The following IFT80 variants were observed in gnomAD, a reference collection of about 807,000 sequenced individuals.
IFT80 encodes intraflagellar transport protein 80 homolog.
A neutral mutation model predicts 107.9 loss-of-function variants in IFT80; 79 were observed. The ratio of observed to expected loss-of-function variants is 0.73; its 90% confidence interval spans 0.61 to 0.88. The LOEUF (loss-of-function observed/expected upper bound fraction) is 0.88, where lower values mean the gene tolerates loss of function less well. Among genes scored for constraint, IFT80 ranks in the 40% least tolerant of loss-of-function variants. The pLI, the probability that IFT80 is intolerant of heterozygous loss-of-function variation, is 0.00. For missense variants in IFT80, 797 were observed against 914.2 expected (o/e 0.87, Z 1.65); for synonymous variants, 299 against 300.9 (o/e 0.99, Z 0.07).
intron 8 of IFT80, among the ~76,000 whole-genome samples, chr3:160,352,012 T>C (rs1391792520): frequency 3.3e-5 from 5 of 149,274 alleles, no homozygotes; most frequent in South Asian, 2.1e-4. Flanking sequence ...CATAACACAA[T>C]AGTAATTTTT....
At chr3:160,318,104 T>C (rs1156868161) in intron 9 of IFT80, among the ~76,000 whole-genome samples, 2 of 151,832 alleles carry the variant, frequency 1.3e-5, no homozygotes, top group Admixed American at 1.3e-4. Flanking sequence ...GCAAGGAAAG[T>C]AGATAGGACA....
chr3:160,297,155 C>G (rs938385747), intron 12 of IFT80, among the ~76,000 whole-genome samples: 2 of 152,120 alleles, frequency 1.3e-5, no homozygotes, highest in Admixed American at 6.6e-5. Flanking sequence ...GGCACAAATG[C>G]TGCCTCTGCC....
intron 8 of IFT80, among the ~76,000 whole-genome samples, chr3:160,339,318 A>AT (rs1289884502): frequency 1.3e-5 from 2 of 152,226 alleles, no homozygotes; most frequent in Non-Finnish European, 2.9e-5. Context: ...TTGAGCTAAA[A>AT]TAAGTATATC....
intron 5 of IFT80, among the ~76,000 whole-genome samples, chr3:160,366,865 T>TATTC (rs746990680): frequency 1.3e-5 from 2 of 151,886 alleles, no homozygotes; most frequent in African/African-American, 2.4e-5. Context: ...TACTAGGCCT[T>TATTC]ATTCATTCAT....
intron 19 of IFT80, among the ~76,000 whole-genome samples, chr3:160,259,150 G>T (rs1434033316): frequency 2.0e-5 from 3 of 152,042 alleles, no homozygotes; most frequent in African/African-American, 2.4e-5. Flanking sequence ...CCACAAAGTA[G>T]TTTTAAGAAT....
intron 1 of IFT80, among the ~76,000 whole-genome samples, chr3:160,392,604 T>C (rs1713471368): frequency 6.6e-6 from 1 of 152,190 alleles, no homozygotes; most frequent in African/African-American, 2.4e-5. Flanking sequence ...AACTTGTAAA[T>C]AAAAACATTT....
chr3:160,374,132 G>A (rs1219365927), intron 5 of IFT80, among the ~76,000 whole-genome samples: 1 of 152,106 alleles, frequency 6.6e-6, no homozygotes, highest in Non-Finnish European at 1.5e-5. Flanking sequence ...GAGGGCACTG[G>A]TGAAGGGTCT....
intron 8 of IFT80, among the ~76,000 whole-genome samples, chr3:160,324,338 T>C (rs1718508088): frequency 6.6e-6 from 1 of 152,094 alleles, no homozygotes; most frequent in Non-Finnish European, 1.5e-5. Context: ...AAAGAGAATT[T>C]TAGACCAATA....
At chr3:160,364,733 T>C (rs1721741329) in intron 6 of IFT80, among the ~76,000 whole-genome samples, 1 of 152,126 alleles carries the variant, frequency 6.6e-6, no homozygotes, top group African/African-American at 2.4e-5. Flanking sequence ...ATCATTATTC[T>C]CAGCAAACTA....
At chr3:160,288,571 A>G (rs972855973) in intron 12 of IFT80, among the ~76,000 whole-genome samples, 1 of 152,232 alleles carries the variant, frequency 6.6e-6, no homozygotes, top group Non-Finnish European at 1.5e-5. Context: ...AATAGGAGAA[A>G]ATTTCTGCAA....
At chr3:160,262,985 G>A (rs944924664) in intron 19 of IFT80, among the ~76,000 whole-genome samples, 1 of 151,954 alleles carries the variant, frequency 6.6e-6, no homozygotes, top group Admixed American at 6.6e-5. Flanking sequence ...ATGTCCTTTT[G>A]TGTTCATATT....
chr3:160,272,408 A>C (rs1713882100), intron 18 of IFT80, among the ~76,000 whole-genome samples: 1 of 152,194 alleles, frequency 6.6e-6, no homozygotes, highest in South Asian at 2.1e-4. Context: ...CTTTAAAATA[A>C]ATGGTAGGGT....
At chr3:160,398,089 T>C (rs1486047009) in intron 1 of IFT80, among the ~76,000 whole-genome samples, 1 of 152,216 alleles carries the variant, frequency 6.6e-6, no homozygotes, top group Non-Finnish European at 1.5e-5. Context: ...CAAAAAACTT[T>C]TTTTCATTAA....
chr3:160,357,560 T>C lies in IFT80; in HGVS notation c.568A>G (p.Ile190Val). 2 of 1,597,682 alleles carry C rather than the reference T, an allele frequency of 1.3e-6. No individual in the cohort carries two copies. Among genetic ancestry groups the C allele is most frequent in the Non-Finnish European group, 1.7e-6 (2 of 1,165,480 alleles). Residue 190 changes from isoleucine (I) to valine (V), a missense_variant, in exon 7 of 20, where the codon ATT (isoleucine) becomes GTT (valine). Coordinates refer to ENST00000326448, the MANE Select transcript of IFT80 (RefSeq NM_020800.3). ...KVLQWKAHDG[I>V]ILKVDWNSVN... ...GAGTTCCAATCTACTTTTAAAATAATGCCATCATGAGCTTTCCACTGTGAG... is the reference window on the plus strand; with the variant it reads ...GAGTTCCAATCTACTTTTAAAATAACGCCATCATGAGCTTTCCACTGTGAG...
intron 1 of IFT80, among the ~76,000 whole-genome samples, chr3:160,387,558 G>A (rs1037036676): frequency 6.6e-6 from 1 of 152,122 alleles, no homozygotes; most frequent in Admixed American, 6.6e-5. Flanking sequence ...TTCAATAGGT[G>A]GAATGGAGTT....
intron 1 of IFT80, among the ~76,000 whole-genome samples, chr3:160,397,323 G>C (rs1190077378): frequency 2.6e-5 from 4 of 152,118 alleles, no homozygotes; most frequent in African/African-American, 7.2e-5. Flanking sequence ...TATTTACCAA[G>C]TCATTCCTTG....
chr3:160,303,770 TTC>T, intron 11 of IFT80, 143 bp downstream of exon 11: 1 of 613,776 alleles, frequency 1.6e-6, no homozygotes. Flanking sequence ...ATTTATTCTT[TTC>T]TTTTTCTTCT....
intron 1 of IFT80, among the ~76,000 whole-genome samples, chr3:160,386,377 T>C (rs1380007986): frequency 6.6e-6 from 1 of 152,224 alleles, no homozygotes; most frequent in Non-Finnish European, 1.5e-5. Context: ...TGTTTTTATC[T>C]GCCTAAAGGG....
intron 13 of IFT80, 128 bp from the exon 14 acceptor site, chr3:160,282,741 T>A (rs1242869262): frequency 1.5e-6 from 1 of 661,888 alleles, no homozygotes; most frequent in Non-Finnish European, 2.6e-6. Context: ...AATGATAAAA[T>A]GTCCCTGTTA....
Sources: gnomAD v4.1 joint callset for allele counts (sites outside exome capture counted in the v4.1 genomes callset) on GRCh38, gnomAD v4.1.1 for gene constraint, MANE v1.5 for transcripts, NCBI Gene and HGNC (gene_info 2026-07-23, HGNC 2026-07-21) for gene names.